Variants in VDR observed in about 807,000 individuals in gnomAD.
VDR encodes vitamin D3 receptor.
VDR carries 19 observed loss-of-function variants against 39.7 expected under a neutral mutation model. That is an observed-to-expected ratio of 0.48 (90% CI 0.33 to 0.70). The LOEUF (loss-of-function observed/expected upper bound fraction) is 0.70, where lower values mean the gene tolerates loss of function less well. Among genes scored for constraint, VDR ranks in the 30% least tolerant of loss-of-function variants. VDR has a pLI of 0.02. For synonymous variants in VDR, 242 were observed against 215.8 expected, an observed-to-expected ratio of 1.12 and a Z score of -1.07; for missense variants, 442 against 570.5, an observed-to-expected ratio of 0.77 and a Z score of 2.29.
intron 1 of VDR, chr12:47,901,058 C>T (rs554422832): frequency 6.4e-6 from 1 of 155,178 alleles, no homozygotes; most frequent in South Asian, 2.0e-4. Flanking sequence ...ACACCCCCAT[C>T]CTCTCCCAGC....
At chr12:47,856,324 G>A (rs1046792709) in intron 6 of VDR, among the ~76,000 whole-genome samples, 1 of 152,162 alleles carries the variant, frequency 6.6e-6, no homozygotes, top group African/African-American at 2.4e-5. Context: ...ATAATTGTGT[G>A]TACTCTTTGA....
At chr12:47,900,056 A>T in intron 1 of VDR, 4 of 606,268 alleles carry the variant, frequency 6.6e-6, no homozygotes, top group Non-Finnish European at 8.3e-6. Flanking sequence ...TTCAATAAAG[A>T]TGCCTGTTTG....
intron 3 of VDR, among the ~76,000 whole-genome samples, chr12:47,866,480 T>C (rs1945739602): frequency 6.6e-6 from 1 of 152,206 alleles, no homozygotes. Flanking sequence ...AGGATGCTAG[T>C]CTCAGCATGA....
Position 47,842,202 on chromosome 12 carries a change from A to C in VDR, c.*2544T>G, listed in dbSNP as rs1945184003. 6.6e-6 allele frequency: 1 copy of C among 152,602 alleles called. No individual in the cohort carries two copies. Among genetic ancestry groups the C allele is most frequent in the African/African-American group, 2.4e-5 (1 of 41,480 alleles). The allele number at this position is 152,602 out of a possible 1,614,324, so 9.5% of individuals were successfully genotyped here. A position where few individuals can be genotyped will look rare whatever the true frequency, so the allele number is the denominator to read the frequency against. ...CCAAGGCTGAGGTGGAGAGCCCAGC[A>C]GGCCAGGGCCACATCGTGGTGGGGT... On this transcript the variant is annotated 3_prime_UTR_variant, in exon 10 of 10. Transcript: ENST00000549336.
chr12:47,871,321 T>C (rs1190809795), intron 3 of VDR, among the ~76,000 whole-genome samples: 1 of 142,450 alleles, frequency 7.0e-6, no homozygotes, highest in African/African-American at 2.6e-5. Flanking sequence ...TTTCTTTCTT[T>C]CTTTCTTTCT....
At chr12:47,880,886 T>G (rs1158252381) in intron 2 of VDR, among the ~76,000 whole-genome samples, 2 of 143,070 alleles carry the variant, frequency 1.4e-5, no homozygotes, top group African/African-American at 5.4e-5. Flanking sequence ...TTAATATATA[T>G]TAAATATATA....
chr12:47,886,397 A>G (rs1946253030), intron 1 of VDR, among the ~76,000 whole-genome samples: 1 of 152,180 alleles, frequency 6.6e-6, no homozygotes, highest in African/African-American at 2.4e-5. Context: ...TATCATGGCC[A>G]GCTAAGGTGA....
intron 1 of VDR, among the ~76,000 whole-genome samples, chr12:47,894,166 C>T (rs1946421409): frequency 6.6e-6 from 1 of 152,310 alleles, no homozygotes; most frequent in Non-Finnish European, 1.5e-5. Context: ...TCCATAAATG[C>T]TGCCCCAGGA....
At chr12:47,871,080 CTT>C in intron 3 of VDR, among the ~76,000 whole-genome samples, 1 of 148,880 alleles carries the variant, frequency 6.7e-6, no homozygotes, top group African/African-American at 2.5e-5. Flanking sequence ...AGAGCACAGA[CTT>C]TTTTTTTTGG....
chr12:47,890,286 A>G (rs1241523980), intron 1 of VDR, among the ~76,000 whole-genome samples: 1 of 150,448 alleles, frequency 6.6e-6, no homozygotes. Context: ...GACTATTTCA[A>G]CTGCCACGAG....
intron 6 of VDR, 45 bp downstream of exon 6, chr12:47,857,084 T>G: frequency 6.2e-7 from 1 of 1,612,422 alleles, no homozygotes; most frequent in Non-Finnish European, 8.5e-7. Context: ...GGTGGACTCC[T>G]CGCCCCCGCT....
chr12:47,870,761 A>G (rs1463427751), intron 3 of VDR, among the ~76,000 whole-genome samples: 1 of 152,156 alleles, frequency 6.6e-6, no homozygotes, highest in African/African-American at 2.4e-5. Flanking sequence ...TGTCACAGAG[A>G]TTCCAGCGTC....
chr12:47,894,248 C>G (rs944752644), intron 1 of VDR, among the ~76,000 whole-genome samples: 1 of 152,226 alleles, frequency 6.6e-6, no homozygotes, highest in Non-Finnish European at 1.5e-5. Context: ...CTGTCTGCAG[C>G]CCCCCAGCTG....
chr12:47,898,104 C>A (rs1381353881), intron 1 of VDR, among the ~76,000 whole-genome samples: 2 of 152,156 alleles, frequency 1.3e-5, no homozygotes, highest in Admixed American at 6.5e-5. Context: ...CCGTGGGATC[C>A]CTCAAGCACT....
rs979569272 is a variant in VDR, at chr12:47,844,564, C to T, written c.*182G>A. On this transcript the variant is annotated 3_prime_UTR_variant, in exon 10 of 10. Coordinates refer to ENST00000549336, the MANE Select transcript of VDR (RefSeq NM_000376.3). The stretch of plus-strand genomic sequence containing the variant: ...GAGGTCTCAAGGGACCGGGGAAAAG[C>T]CCGCAGGAAAGGGGTTAGGTTGGAC... The T allele has an allele frequency of 5.0e-6, 4 of 808,080 alleles. No homozygotes were observed. The highest frequency in any genetic ancestry group is 1.7e-5 in the African/African-American group (1 of 57,996). The allele number at this position is 808,080 out of a possible 1,614,324, so 50.1% of individuals were successfully genotyped here.
intron 1 of VDR, among the ~76,000 whole-genome samples, chr12:47,890,155 C>T (rs768424570): frequency 6.1e-4 from 93 of 151,822 alleles, no homozygotes; most frequent in African/African-American, 2.0e-3. Context: ...TTCACTGCCA[C>T]GAAACAAGGC....
intron 3 of VDR, among the ~76,000 whole-genome samples, chr12:47,872,311 C>G (rs775640288): frequency 6.6e-6 from 1 of 152,122 alleles, no homozygotes; most frequent in Non-Finnish European, 1.5e-5. Flanking sequence ...GGAACAGGAC[C>G]TGGACAAAGG....
chr12:47,855,381 G>A (rs1202701193), intron 7 of VDR, among the ~76,000 whole-genome samples: 4 of 143,960 alleles, frequency 2.8e-5, no homozygotes, highest in East Asian at 1.9e-4. Context: ...TTAGCCGGGC[G>A]TGGTGTCTGG....
At chr12:47,879,430 G>C (rs1342968919) in intron 2 of VDR, among the ~76,000 whole-genome samples, 1 of 152,230 alleles carries the variant, frequency 6.6e-6, no homozygotes, top group Non-Finnish European at 1.5e-5. Flanking sequence ...TGCATTGGAA[G>C]AGGTGTTTTA....
Sources: gnomAD v4.1 joint callset for allele counts (sites outside exome capture counted in the v4.1 genomes callset) on GRCh38, gnomAD v4.1.1 for gene constraint, MANE v1.5 for transcripts, NCBI Gene and HGNC (gene_info 2026-07-23, HGNC 2026-07-21) for gene names.